Variants in SCHIP1 observed in about 807,000 individuals in gnomAD.
The protein encoded by SCHIP1 is schwannomin-interacting protein 1.
Under a neutral mutation model 29.7 loss-of-function variants are expected in SCHIP1, and 8 were observed. The observed-to-expected ratio is 0.27, with a 90% CI of 0.16 to 0.49. The LOEUF is 0.49. Ranked by LOEUF, SCHIP1 falls within the 20% of genes least tolerant of loss-of-function variation. The probability of loss-of-function intolerance (pLI) is 0.99; values close to 1 mark genes in which losing one functional copy is unlikely to be tolerated. For missense variants in SCHIP1, 193 were observed against 294.6 expected (o/e 0.66, Z 2.52); for synonymous variants, 76 against 94.9 (o/e 0.80, Z 1.16).
the SCHIP1 span, among the ~76,000 whole-genome samples, chr3:159,370,425 T>G: frequency 6.6e-6 from 1 of 152,314 alleles, no homozygotes; most frequent in South Asian, 2.1e-4. Flanking sequence ...CCAGCTCAAT[T>G]TTTCTCCATG....
chr3:159,323,908 T>C, the SCHIP1 span, among the ~76,000 whole-genome samples: 1 of 152,158 alleles, frequency 6.6e-6, no homozygotes, highest in Non-Finnish European at 1.5e-5. Context: ...TATTTAGCTT[T>C]CTTTGGTTCA....
the SCHIP1 span, among the ~76,000 whole-genome samples, chr3:159,301,440 TGAG>T: frequency 6.6e-5 from 10 of 152,268 alleles, no homozygotes; most frequent in East Asian, 1.9e-3. Context: ...TTCAAACACT[TGAG>T]GAGTGAAACT....
At chr3:159,769,250 C>G in the SCHIP1 span, among the ~76,000 whole-genome samples, 12 of 111,904 alleles carry the variant, frequency 1.1e-4, no homozygotes, top group African/African-American at 3.8e-4. Flanking sequence ...TGCTCCTGTT[C>G]AAAAGGCTCT....
chr3:159,605,065 T>C, the SCHIP1 span, among the ~76,000 whole-genome samples: 1 of 152,164 alleles, frequency 6.6e-6, no homozygotes, highest in African/African-American at 2.4e-5. Flanking sequence ...GAACAAAACA[T>C]GCACCTACAG....
At chr3:159,585,995 A>G in the SCHIP1 span, among the ~76,000 whole-genome samples, 40 of 152,256 alleles carry the variant, frequency 2.6e-4, no homozygotes, top group African/African-American at 8.7e-4. Context: ...GATGGAGAAG[A>G]ATGTAAGTTT....
chr3:159,702,344 C>T, the SCHIP1 span, among the ~76,000 whole-genome samples: 2 of 152,136 alleles, frequency 1.3e-5, no homozygotes, highest in Non-Finnish European at 2.9e-5. Context: ...GGAAATCTCT[C>T]CTCAGTTATC....
chr3:159,368,047 C>T, the SCHIP1 span, among the ~76,000 whole-genome samples: 1 of 152,302 alleles, frequency 6.6e-6, no homozygotes, highest in South Asian at 2.1e-4. Context: ...TAGGAGGAGT[C>T]TTTCTAACCT....
At chr3:159,750,263 G>GTGTATATA in the SCHIP1 span, among the ~76,000 whole-genome samples, 66 of 24,844 alleles carry the variant, frequency 2.7e-3, no homozygotes, top group African/African-American at 7.2e-3. Context: ...ATGTGTGTGT[G>GTGTATATA]TATATATATA....
chr3:159,471,890 C>G, the SCHIP1 span, among the ~76,000 whole-genome samples: 4 of 152,064 alleles, frequency 2.6e-5, no homozygotes, highest in Non-Finnish European at 4.4e-5. Flanking sequence ...GTTATGTGTA[C>G]TGTGACACTG....
the SCHIP1 span, among the ~76,000 whole-genome samples, chr3:159,372,710 T>G: frequency 6.6e-6 from 1 of 152,102 alleles, no homozygotes; most frequent in Admixed American, 6.5e-5. Flanking sequence ...CTTTAAAACA[T>G]TTTTAAATAG....
At chr3:159,759,908 G>T in the SCHIP1 span, among the ~76,000 whole-genome samples, 1 of 152,110 alleles carries the variant, frequency 6.6e-6, no homozygotes, top group African/African-American at 2.4e-5. Context: ...TTTCAATCAT[G>T]TCCTTTCTCA....
chr3:159,375,922 A>ATGT, the SCHIP1 span: 24 of 182,778 alleles, frequency 1.3e-4, no homozygotes, highest in African/African-American at 5.5e-4. Flanking sequence ...TTTTCCAATA[A>ATGT]TGTTGAAGAA....
At chr3:159,518,841 TAAGA>T in the SCHIP1 span, among the ~76,000 whole-genome samples, 4 of 152,224 alleles carry the variant, frequency 2.6e-5, no homozygotes, top group Non-Finnish European at 2.9e-5. Context: ...AAAAATGCAT[TAAGA>T]AAGATAAAAT....
chr3:159,377,365 A>T, the SCHIP1 span, among the ~76,000 whole-genome samples: 1 of 152,326 alleles, frequency 6.6e-6, no homozygotes, highest in East Asian at 1.9e-4. Context: ...TCATGGATGT[A>T]CTTTGGGTTC....
At chr3:159,793,670 G>T in the SCHIP1 span, among the ~76,000 whole-genome samples, 77 of 152,208 alleles carry the variant, frequency 5.1e-4, no homozygotes, top group African/African-American at 1.6e-3. Context: ...TGATTCTCGT[G>T]CCTCAGCCTC....
the SCHIP1 span, among the ~76,000 whole-genome samples, chr3:159,379,212 G>T: frequency 4.7e-5 from 7 of 148,968 alleles, no homozygotes; most frequent in South Asian, 1.3e-3. Flanking sequence ...AACTAGGTGG[G>T]TTTTTTTGGT....
the SCHIP1 span, among the ~76,000 whole-genome samples, chr3:159,349,049 G>A: frequency 6.6e-6 from 1 of 152,118 alleles, no homozygotes; most frequent in African/African-American, 2.4e-5. Context: ...GTTAATGACA[G>A]GTGACTGTCA....
chr3:159,419,745 G>A, the SCHIP1 span, among the ~76,000 whole-genome samples: 1 of 152,168 alleles, frequency 6.6e-6, no homozygotes, highest in Admixed American at 6.5e-5. Context: ...GGAGGCGGAG[G>A]TTGCAGTGAG....
chr3:159,529,275 C>T, the SCHIP1 span, among the ~76,000 whole-genome samples: 3,699 of 152,130 alleles, frequency 0.024, 111 homozygotes, highest in African/African-American at 0.058. Context: ...ATAACTTCTT[C>T]GCCTAGTTAA....
Sources: allele counts gnomAD v4.1 joint callset (sites outside exome capture counted in the v4.1 genomes callset), GRCh38; gene constraint gnomAD v4.1.1; transcripts MANE v1.5; gene names NCBI Gene and HGNC (gene_info 2026-07-23, HGNC 2026-07-21).